The following NOX1 variants were observed in gnomAD, a reference collection of about 807,000 sequenced individuals.
The protein encoded by NOX1 is NADPH oxidase 1.
NOX1 carries 34 observed loss-of-function variants against 42.5 expected under a neutral mutation model. The observed-to-expected ratio is 0.80, with a 90% confidence interval of 0.61 to 1.07. NOX1 has a LOEUF of 1.07. Ranked by LOEUF, NOX1 falls within the 50% of genes least tolerant of loss-of-function variation. The pLI is 0.00. For synonymous variants in NOX1, 143 were observed against 152.5 expected, an observed-to-expected ratio of 0.94 and a Z score of 0.46; for missense variants, 408 against 427.0, an observed-to-expected ratio of 0.96 and a Z score of 0.39.
chrX:100,859,020 G>A (rs2085185606), intron 7 of NOX1, among the ~76,000 whole-genome samples: 1 of 111,521 alleles, frequency 9.0e-6, no homozygotes, highest in Non-Finnish European at 1.9e-5. Context: ...AGTTTTCAAG[G>A]GGAATGCCTC....
intron 7 of NOX1, chrX:100,856,021 G>C (rs1392913292): frequency 1.3e-5 from 14 of 1,085,834 alleles, no homozygotes; most frequent in Middle Eastern, 3.4e-4. Context: ...AATCTCTTAG[G>C]TGATGTTCTT....
chrX:100,870,265 A>G (rs2085265713), intron 2 of NOX1, among the ~76,000 whole-genome samples: 1 of 109,984 alleles, frequency 9.1e-6, no homozygotes, highest in African/African-American at 3.3e-5. Context: ...AAAAAAAAAA[A>G]AAAAGAAATA....
In NOX1 at chrX:100,849,353, T is replaced by G; in HGVS notation, c.1370A>C (p.Gln457Pro). 1 of 1,211,108 alleles carries G rather than the reference T, an allele frequency of 8.3e-7. No homozygotes were observed. ...CACTTTGCCTAATTCCTCCATCTCC[T>G]GTTCCAGGGAAGTCAACAGGTTGTT... ...WFNNLLTSLEQEMEELGKVGF... is the reference protein window; with the variant it reads ...WFNNLLTSLEPEMEELGKVGF... Residue 457 changes from glutamine (Q) to proline (P), a missense_variant, in exon 11 of 13, where the codon CAG becomes CCG. Physicochemically the swap from Gln to Pro is moderately conservative, Grantham distance 76. Transcript: ENST00000372966.
intron 2 of NOX1, among the ~76,000 whole-genome samples, chrX:100,863,963 CAGATATAGATAT>C (rs72563175): frequency 9.0e-5 from 10 of 110,772 alleles, no homozygotes; most frequent in East Asian, 2.8e-4. Flanking sequence ...TCCTAAGGAT[CAGATATAGATAT>C]AGATATAGAT....
intron 11 of NOX1, 54 bp downstream of exon 11, chrX:100,849,226 G>A: frequency 1.7e-6 from 2 of 1,160,914 alleles, no homozygotes; most frequent in South Asian, 1.9e-5. Flanking sequence ...ACTATCCTTT[G>A]TCTGACATTC....
At chrX:100,850,517 G>A (rs1372693731) in intron 8 of NOX1, 131 bp from the exon 9 acceptor site, 4 of 448,202 alleles carry the variant, frequency 8.9e-6, no homozygotes, top group Non-Finnish European at 1.6e-5. Context: ...CTCTAAAGAG[G>A]GCAGCAGCTA....
At chrX:100,850,915 C>A (rs192866531) in intron 8 of NOX1, among the ~76,000 whole-genome samples, 1 of 111,198 alleles carries the variant, frequency 9.0e-6, no homozygotes, top group East Asian at 2.8e-4. Flanking sequence ...TTTCAACTCA[C>A]TGCAACCTCT....
chrX:100,868,905 T>C (rs1194979380), intron 2 of NOX1, among the ~76,000 whole-genome samples: 9 of 110,950 alleles, frequency 8.1e-5, no homozygotes, highest in Non-Finnish European at 1.7e-4. Flanking sequence ...CAGCACCATT[T>C]ATTAAATAGG....
intron 7 of NOX1, among the ~76,000 whole-genome samples, chrX:100,853,320 TTCTCTCTCTTTC>T (rs776722928): frequency 5.0e-4 from 16 of 31,838 alleles, no homozygotes; most frequent in Admixed American, 6.6e-4. Context: ...CTTTCTTTCT[TTCTCTCTCTTTC>T]TCTTTCTTTC....
At chrX:100,847,470 A>C (rs1286185574) in intron 12 of NOX1, among the ~76,000 whole-genome samples, 1 of 110,920 alleles carries the variant, frequency 9.0e-6, no homozygotes, top group Non-Finnish European at 1.9e-5. Flanking sequence ...CTGAGCTTAT[A>C]AAAGGTAACC....
intron 7 of NOX1, chrX:100,855,624 G>A: frequency 9.7e-7 from 1 of 1,032,114 alleles, no homozygotes; most frequent in Non-Finnish European, 1.4e-6. Flanking sequence ...GCTTCCTCCA[G>A]AGTAACCAGG....
rs2085213398 is a variant in NOX1 at position 100,862,708 on chromosome X, C to G, written c.450G>C (p.Lys150Asn). ...ILSSLSHDEKKGGSWLNPIQS... is the reference protein window; with the variant it reads ...ILSSLSHDEKNGGSWLNPIQS... ...GGATGGGATTTAGCCAAGAACCCCC[C>G]TTTTTCTCATCATGAGATAGGCTGG... The change falls in exon 5 of 13, where the codon AAG becomes AAC. Residue 150 changes from lysine to asparagine, a missense_variant. Physicochemically the swap from Lys to Asn is moderately conservative, Grantham distance 94 (BLOSUM62 0). Transcript: ENST00000372966. 6 of 1,196,405 alleles carry G rather than the reference C, an allele frequency of 5.0e-6. No homozygotes were observed. Among genetic ancestry groups the G allele is most frequent in the Middle Eastern group, 4.7e-4 (2 of 4,280 alleles).
chrX:100,865,405 G>A (rs916333966), intron 2 of NOX1, among the ~76,000 whole-genome samples: 3 of 112,374 alleles, frequency 2.7e-5, no homozygotes, highest in Non-Finnish European at 3.8e-5. Context: ...TTTTTTCCTC[G>A]TTGCAGCACA....
chrX:100,856,263 G>C, intron 7 of NOX1: 2 of 932,781 alleles, frequency 2.1e-6, no homozygotes, highest in Non-Finnish European at 3.1e-6. Flanking sequence ...CAGTCTGTGA[G>C]CATTCCCCAT....
chrX:100,848,558 CT>C, intron 12 of NOX1, 71 bp downstream of exon 12: 1 of 1,054,328 alleles, frequency 9.5e-7, no homozygotes. Context: ...TCCCAAAGTG[CT>C]GAGATTACAG....
intron 7 of NOX1, among the ~76,000 whole-genome samples, chrX:100,861,165 GC>G (rs1246979438): frequency 9.0e-6 from 1 of 111,527 alleles, no homozygotes; most frequent in Non-Finnish European, 1.9e-5. Flanking sequence ...GTCTTAAGGT[GC>G]TTTTATGGTT....
chrX:100,853,284 T>TTCTCTCTCTTTC (rs768047392), intron 7 of NOX1, among the ~76,000 whole-genome samples: 20 of 71,338 alleles, frequency 2.8e-4, no homozygotes, highest in African/African-American at 1.3e-3. Context: ...CTTTCTTTCT[T>TTCTCTCTCTTTC]TCTTTCTTTC....
chrX:100,871,321 T>C (rs2085273418), intron 1 of NOX1, among the ~76,000 whole-genome samples: 1 of 112,048 alleles, frequency 8.9e-6, no homozygotes, highest in African/African-American at 3.2e-5. Context: ...ATATGTACTA[T>C]CTAGATTTTT....
chrX:100,843,798 CGAAGTT>C lies in NOX1; in HGVS notation c.*148_*153del, dbSNP rs1402763528. On this transcript the variant is annotated 3_prime_UTR_variant, in exon 13 of 13. Transcript: ENST00000372966. ...TCTTAAGTTGCTGAAGCTCAAGTAACGAAGTTGAATGCAATCAAAAAAAGAATACCA... is the reference window on the plus strand; with the variant it reads ...TCTTAAGTTGCTGAAGCTCAAGTAACGAATGCAATCAAAAAAAGAATACCA... The C allele has an allele frequency of 8.9e-6, 4 of 448,162 alleles. No homozygotes were observed. In the East Asian group the frequency reaches 1.2e-4, roughly 13 times the overall value. 36.9% of individuals were successfully genotyped at this position (448,162 alleles called of 1,213,427 possible). A position where few individuals can be genotyped will look rare whatever the true frequency, so the allele number is the denominator to read the frequency against.
Sources: allele counts gnomAD v4.1 joint callset (sites outside exome capture counted in the v4.1 genomes callset), GRCh38; gene constraint gnomAD v4.1.1; transcripts MANE v1.5; gene names NCBI Gene and HGNC (gene_info 2026-07-23, HGNC 2026-07-21).